Variants in KCTD8 observed in about 807,000 individuals in gnomAD.
KCTD8 encodes the protein potassium channel tetramerization domain containing 8.
KCTD8 carries 27 observed loss-of-function variants against 31.5 expected under a neutral mutation model. The observed-to-expected ratio is 0.86, with a 90% confidence interval of 0.63 to 1.18. KCTD8 has a LOEUF of 1.18. Ranked by LOEUF, KCTD8 falls within the 50% of genes most tolerant of loss-of-function variation. The probability of loss-of-function intolerance (pLI) is 0.00; values close to 1 mark genes in which losing one functional copy is unlikely to be tolerated. For missense variants in KCTD8, 658 were observed against 647.7 expected (o/e 1.02, Z -0.17); for synonymous variants, 290 against 280.0 (o/e 1.04, Z -0.36).
chr4:44,349,085 C>CACT (rs752216820), intron 1 of KCTD8, among the ~76,000 whole-genome samples: 1 of 135,590 alleles, frequency 7.4e-6, no homozygotes, highest in African/African-American at 2.9e-5. Context: ...CCACCACCAC[C>CACT]ACCACCACCA....
At chr4:44,240,630 T>C (rs1187463908) in intron 1 of KCTD8, among the ~76,000 whole-genome samples, 1 of 152,170 alleles carries the variant, frequency 6.6e-6, no homozygotes, top group Non-Finnish European at 1.5e-5. Context: ...CAAGTCACCA[T>C]GCCCCGCATG....
chr4:44,447,910 C>A lies in KCTD8; in HGVS notation c.614G>T (p.Arg205Leu). 3.4e-6 allele frequency: 5 copies of A among 1,484,384 alleles called. No homozygotes were observed. Among genetic ancestry groups the A allele is most frequent in the African/African-American group, 1.4e-5 (1 of 69,454 alleles). The allele number at this position is 1,484,384 out of a possible 1,614,324, so 92.0% of individuals were successfully genotyped here. A position where few individuals can be genotyped will look rare whatever the true frequency, so the allele number is the denominator to read the frequency against. ...GGGGGGAQDK[R>L]SGFLTLGYRG... Reference sequence around the variant, plus strand: ...GTAGCCCAGCGTGAGGAAGCCCGAGCGCTTGTCCTGCGCGCCGCCGCCGCC... The same window carrying A: ...GTAGCCCAGCGTGAGGAAGCCCGAGAGCTTGTCCTGCGCGCCGCCGCCGCC... The change falls in exon 1 of 2, where the codon CGC becomes CTC. Residue 205 changes from arginine to leucine, a missense_variant. Physicochemically the swap from Arg to Leu is moderately radical, Grantham distance 102 (BLOSUM62 -2). Coordinates refer to ENST00000360029, the MANE Select transcript of KCTD8 (RefSeq NM_198353.3).
chr4:44,273,267 T>A (rs570443286), intron 1 of KCTD8, among the ~76,000 whole-genome samples: 5 of 152,110 alleles, frequency 3.3e-5, no homozygotes, highest in Non-Finnish European at 5.9e-5. Context: ...AACAAGTATA[T>A]TGAAAGGCAT....
chr4:44,289,279 T>C (rs1717198812), intron 1 of KCTD8, among the ~76,000 whole-genome samples: 1 of 151,616 alleles, frequency 6.6e-6, no homozygotes. Flanking sequence ...CTATATCATA[T>C]TACCAATAAA....
chr4:44,225,112 C>T (rs967854585), intron 1 of KCTD8, among the ~76,000 whole-genome samples: 1 of 152,210 alleles, frequency 6.6e-6, no homozygotes, highest in African/African-American at 2.4e-5. Context: ...CTCTACCAAA[C>T]CTTTCATGGC....
chr4:44,312,337 T>G (rs181162956), intron 1 of KCTD8, among the ~76,000 whole-genome samples: 4 of 152,234 alleles, frequency 2.6e-5, no homozygotes, highest in Admixed American at 2.6e-4. Flanking sequence ...GCATCTGCAA[T>G]AGAAAGGGCA....
intron 1 of KCTD8, among the ~76,000 whole-genome samples, chr4:44,385,671 A>T (rs1349239521): frequency 6.6e-6 from 1 of 151,654 alleles, no homozygotes; most frequent in Non-Finnish European, 1.5e-5. Flanking sequence ...ACAAAAGCAC[A>T]TGCGAAAACA....
intron 1 of KCTD8, among the ~76,000 whole-genome samples, chr4:44,345,531 C>T (rs1577627662): frequency 1.3e-5 from 2 of 152,260 alleles, no homozygotes; most frequent in East Asian, 3.9e-4. Flanking sequence ...AGACTATTTA[C>T]ATACACCTAA....
At chr4:44,222,531 C>T (rs776003397) in intron 1 of KCTD8, among the ~76,000 whole-genome samples, 1 of 152,156 alleles carries the variant, frequency 6.6e-6, no homozygotes, top group Non-Finnish European at 1.5e-5. Flanking sequence ...GGGATGCTGT[C>T]ATACTGCAAA....
At chr4:44,444,913 CTAAA>C (rs1411171951) in intron 1 of KCTD8, among the ~76,000 whole-genome samples, 4 of 151,666 alleles carry the variant, frequency 2.6e-5, no homozygotes, top group South Asian at 4.2e-4. Flanking sequence ...TTGTTATACA[CTAAA>C]TAAATGTCAC....
chr4:44,405,504 G>A (rs534367919), intron 1 of KCTD8, among the ~76,000 whole-genome samples: 1 of 151,972 alleles, frequency 6.6e-6, no homozygotes, highest in Non-Finnish European at 1.5e-5. Flanking sequence ...TGATGAGCTC[G>A]TGATCTGCCC....
intron 1 of KCTD8, among the ~76,000 whole-genome samples, chr4:44,335,650 G>C (rs1718719048): frequency 6.6e-6 from 1 of 152,186 alleles, no homozygotes; most frequent in Middle Eastern, 3.4e-3. Context: ...TTGTGAATTT[G>C]TAATGCTTTT....
At chr4:44,244,806 T>C (rs2109358599) in intron 1 of KCTD8, among the ~76,000 whole-genome samples, 1 of 142,914 alleles carries the variant, frequency 7.0e-6, no homozygotes, top group South Asian at 2.4e-4. Flanking sequence ...CATCAATTCA[T>C]ACCCTTTGTG....
At chr4:44,418,846 C>G (rs1305346997) in intron 1 of KCTD8, among the ~76,000 whole-genome samples, 1 of 152,142 alleles carries the variant, frequency 6.6e-6, no homozygotes, top group Non-Finnish European at 1.5e-5. Context: ...CAGCACATAA[C>G]AGTAAATGAT....
At chr4:44,319,154 A>G (rs900642310) in intron 1 of KCTD8, among the ~76,000 whole-genome samples, 1 of 152,218 alleles carries the variant, frequency 6.6e-6, no homozygotes, top group Non-Finnish European at 1.5e-5. Flanking sequence ...TGCCACAGAT[A>G]ATGGAAGATA....
rs902743813 is a variant in KCTD8, at chr4:44,292,782, C to T, written c.962-117532G>A. 2.0e-5 allele frequency among the ~76,000 whole-genome samples: 3 copies of T among 152,008 alleles called. No homozygotes were observed. In the East Asian group the frequency reaches 5.8e-4, roughly 29 times the overall value. ...TTAATAATTCCTCAGCTTGAAAGGGCCTATATTTTCCTAATCATTATAGAA... is the reference window on the plus strand; with the variant it reads ...TTAATAATTCCTCAGCTTGAAAGGGTCTATATTTTCCTAATCATTATAGAA... On this transcript the variant is annotated intron_variant, in intron 1 of 1. Transcript: ENST00000360029.
At chr4:44,179,301 T>C (rs949801605) in intron 1 of KCTD8, among the ~76,000 whole-genome samples, 1 of 151,948 alleles carries the variant, frequency 6.6e-6, no homozygotes, top group African/African-American at 2.4e-5. Flanking sequence ...TAAAGAATAG[T>C]ATTTTATAAT....
At chr4:44,224,670 T>C (rs1256779898) in intron 1 of KCTD8, among the ~76,000 whole-genome samples, 1 of 152,228 alleles carries the variant, frequency 6.6e-6, no homozygotes, top group Non-Finnish European at 1.5e-5. Flanking sequence ...TAATGTCAGC[T>C]TCTAAAACAG....
At chr4:44,364,544 T>C (rs985438725) in intron 1 of KCTD8, among the ~76,000 whole-genome samples, 1 of 152,130 alleles carries the variant, frequency 6.6e-6, no homozygotes, top group Admixed American at 6.6e-5. Flanking sequence ...AACATAGTCT[T>C]ATCATATGAT....
Sources: allele counts gnomAD v4.1 joint callset (sites outside exome capture counted in the v4.1 genomes callset), GRCh38; gene constraint gnomAD v4.1.1; transcripts MANE v1.5; gene names NCBI Gene and HGNC (gene_info 2026-07-23, HGNC 2026-07-21).